The following SLC20A2 variants were observed in gnomAD, a reference collection of about 807,000 sequenced individuals.
The protein encoded by SLC20A2 is solute carrier family 20 member 2.
In SLC20A2, 30 loss-of-function variants were observed where a neutral mutation model predicts 61.0. The observed-to-expected ratio is 0.49, with a 90% CI of 0.37 to 0.67. The LOEUF (loss-of-function observed/expected upper bound fraction) is 0.67, where lower values mean the gene tolerates loss of function less well. Among genes scored for constraint, SLC20A2 ranks in the 30% least tolerant of loss-of-function variants. The pLI, the probability that SLC20A2 is intolerant of heterozygous loss-of-function variation, is 0.00. For synonymous variants in SLC20A2, 351 were observed against 353.3 expected, an observed-to-expected ratio of 0.99 and a Z score of 0.07; for missense variants, 626 against 866.4, an observed-to-expected ratio of 0.72 and a Z score of 3.48.
chr8:42,472,596 A>G lies in SLC20A2; in HGVS notation c.-206T>C, dbSNP rs930699147. The stretch of plus-strand genomic sequence containing the variant: ...ACAGTTCATTTGGTTGTGTTCAGTC[A>G]GCGGTAAAACACATTCCATATTTTT... On this transcript the variant is annotated 5_prime_UTR_variant, in exon 2 of 11. Transcript: ENST00000520262. This position sits in a 1 kb window ranked among gnomAD's most constrained non-coding sequence, Gnocchi z 4.1. The G allele has an allele frequency of 7.2e-6, 4 of 552,496 alleles. No homozygotes were observed. In the African/African-American group the frequency reaches 7.5e-5, roughly 10 times the overall value. The allele number at this position is 552,496 out of a possible 1,614,324, so 34.2% of individuals were successfully genotyped here.
rs62509293 is a variant in SLC20A2, at chr8:42,541,199, G to A, written c.-265+622C>T. The A allele has an allele frequency of 1.6e-3, 244 of 152,248 alleles. 1 individual carries two copies. The highest frequency in any genetic ancestry group is 7.7e-3 in the South Asian group (37 of 4,826). 9.4% of individuals were successfully genotyped at this position (152,248 alleles called of 1,614,324 possible). A position where few individuals can be genotyped will look rare whatever the true frequency, so the allele number is the denominator to read the frequency against. Reference sequence around the variant, plus strand: ...GAGCAGGAGGCGCCCGGCACTCGCAGGTAATGCCCGGTCCCTGCCACTTCC... The same window carrying A: ...GAGCAGGAGGCGCCCGGCACTCGCAAGTAATGCCCGGTCCCTGCCACTTCC... On this transcript the variant is annotated intron_variant, in intron 1 of 10. Coordinates refer to the SLC20A2 transcript ENST00000342228.
chr8:42,487,240 C>T (rs1209766084), intron 1 of SLC20A2, among the ~76,000 whole-genome samples: 11 of 144,796 alleles, frequency 7.6e-5, no homozygotes, highest in East Asian at 2.1e-4. Context: ...TGCAGTGGCG[C>T]GATCTTGGCT....
chr8:42,538,632 A>C (rs993269462), intron 1 of SLC20A2, among the ~76,000 whole-genome samples: 6 of 152,246 alleles, frequency 3.9e-5, no homozygotes, highest in African/African-American at 1.4e-4. Context: ...GGCCCCAGAA[A>C]AAAGACAATG....
intron 6 of SLC20A2, among the ~76,000 whole-genome samples, chr8:42,442,164 C>T (rs1201106900): frequency 1.3e-5 from 2 of 152,058 alleles, no homozygotes; most frequent in Non-Finnish European, 2.9e-5. Flanking sequence ...AACTCCCGAC[C>T]TCAGGTGATC....
intron 1 of SLC20A2, among the ~76,000 whole-genome samples, chr8:42,481,881 A>G (rs1169655061): frequency 1.3e-5 from 2 of 152,080 alleles, no homozygotes; most frequent in Non-Finnish European, 2.9e-5. Context: ...TGCTCTGTCC[A>G]CACTCCCTCC....
In SLC20A2 at chr8:42,437,705, G is replaced by A. The variant is rs1381598636; in HGVS notation, c.935-128C>T. Reference sequence around the variant, plus strand: ...GCAATCTCGGCTCACTGCAACCTTCGCCTCCCGGGTTCAAGCGATTCTCCC... The same window carrying A: ...GCAATCTCGGCTCACTGCAACCTTCACCTCCCGGGTTCAAGCGATTCTCCC... On this transcript the variant is annotated intron_variant, in intron 7 of 10. Coordinates refer to ENST00000520262, the MANE Select transcript of SLC20A2 (RefSeq NM_001257180.2). This position sits in a 1 kb window ranked among gnomAD's most constrained non-coding sequence, Gnocchi z 6.4. The A allele has an allele frequency of 5.6e-6, 4 of 717,972 alleles. No homozygotes were observed. Among genetic ancestry groups the A allele is most frequent in the Admixed American group, 3.6e-5 (1 of 27,448 alleles). The allele number at this position is 717,972 out of a possible 1,614,324, so 44.5% of individuals were successfully genotyped here.
Position 42,417,791 on chromosome 8 carries a change from G to A in SLC20A2, c.*12C>T. On this transcript the variant is annotated 3_prime_UTR_variant, in exon 11 of 11. Transcript: ENST00000520262. ...CCATCCCTTTAGCTGTTTGCAGCTGGAAGAAGACAAATCACACATATGGAA... is the reference window on the plus strand; with the variant it reads ...CCATCCCTTTAGCTGTTTGCAGCTGAAAGAAGACAAATCACACATATGGAA... 6.2e-7 allele frequency: 1 copy of A among 1,613,310 alleles called. No homozygotes were observed. The highest frequency in any genetic ancestry group is 8.5e-7 in the Non-Finnish European group (1 of 1,179,460).
At position 42,509,783 on chromosome 8, in the gene SLC20A2, A is replaced by G. The variant is rs571135830; in HGVS notation, c.-265+32038T>C. On this transcript the variant is annotated intron_variant, in intron 1 of 10. Transcript: ENST00000342228. ...AAACAAAACAAAACAAAACAAAAAGATGCTAGGCTTGAAACCACTAGAGAC... is the reference window on the plus strand; with the variant it reads ...AAACAAAACAAAACAAAACAAAAAGGTGCTAGGCTTGAAACCACTAGAGAC... Among the ~76,000 whole-genome samples the G allele has an allele frequency of 3.9e-5, 6 of 152,190 alleles. No individual in the cohort carries two copies. The South Asian group carries it at 1.2e-3, about 32-fold the overall frequency.
chr8:42,418,780 C>T (rs1802842192), intron 10 of SLC20A2, among the ~76,000 whole-genome samples: 1 of 151,632 alleles, frequency 6.6e-6, no homozygotes, highest in South Asian at 2.1e-4. Context: ...GGGCGGATCA[C>T]GAGGTCAGGA....
At chr8:42,519,377 G>A (rs1327380332) in intron 1 of SLC20A2, among the ~76,000 whole-genome samples, 2 of 151,636 alleles carry the variant, frequency 1.3e-5, no homozygotes, top group African/African-American at 4.8e-5. Context: ...CCGGGAGGCA[G>A]AGGTTGCAGT....
chr8:42,438,637 T>C (rs1458631883), intron 7 of SLC20A2, among the ~76,000 whole-genome samples: 2 of 152,202 alleles, frequency 1.3e-5, no homozygotes, highest in African/African-American at 4.8e-5. Flanking sequence ...AGGGCAGGCT[T>C]TGGTGAAGCT....
intron 1 of SLC20A2, among the ~76,000 whole-genome samples, chr8:42,477,167 T>C (rs1808181520): frequency 6.6e-6 from 1 of 152,174 alleles, no homozygotes. Flanking sequence ...TAAAATGGGA[T>C]AGTGATGGCG....
At chr8:42,434,913 A>AGT (rs369304589) in intron 8 of SLC20A2, among the ~76,000 whole-genome samples, 23 of 143,002 alleles carry the variant, frequency 1.6e-4, no homozygotes, top group African/African-American at 6.6e-4. Context: ...TGCGCATGTG[A>AGT]GTGTGTGTGC....
intron 5 of SLC20A2, among the ~76,000 whole-genome samples, chr8:42,456,992 C>A (rs1212727056): frequency 2.0e-5 from 3 of 151,766 alleles, no homozygotes; most frequent in Non-Finnish European, 4.4e-5. Flanking sequence ...GGCGGGATCT[C>A]GGCTCACTGC....
chr8:42,524,217 TAGAA>T (rs543368073), intron 1 of SLC20A2, among the ~76,000 whole-genome samples: 4 of 152,306 alleles, frequency 2.6e-5, no homozygotes, highest in East Asian at 3.9e-4. Flanking sequence ...TATTCTTAAA[TAGAA>T]AGGCTTTTAA....
At chr8:42,445,078 G>A (rs1245198332) in intron 5 of SLC20A2, among the ~76,000 whole-genome samples, 1 of 152,108 alleles carries the variant, frequency 6.6e-6, no homozygotes, top group African/African-American at 2.4e-5. Flanking sequence ...GATCACCTGA[G>A]GTCAGGAGTT....
chr8:42,419,008 C>CAAAAAAAAA (rs778981433), intron 10 of SLC20A2, among the ~76,000 whole-genome samples: 7 of 64,198 alleles, frequency 1.1e-4, no homozygotes, highest in African/African-American at 4.6e-4. Context: ...GACTCTGTCT[C>CAAAAAAAAA]AAAAAAAAAA....
At chr8:42,444,816 G>T in intron 5 of SLC20A2, 54 bp from the exon 6 acceptor site, 1 of 1,371,366 alleles carries the variant, frequency 7.3e-7, no homozygotes, top group Non-Finnish European at 1.0e-6. Flanking sequence ...GCAAGGTCAG[G>T]CCTCAGGGCG....
chr8:42,422,705 G>C (rs1402220863), intron 10 of SLC20A2, among the ~76,000 whole-genome samples: 1 of 151,922 alleles, frequency 6.6e-6, no homozygotes, highest in African/African-American at 2.4e-5. Flanking sequence ...TATTGTTCTG[G>C]GTCAGATTTT....
Sources: allele counts gnomAD v4.1 joint callset (sites outside exome capture counted in the v4.1 genomes callset), GRCh38; gene constraint gnomAD v4.1.1; non-coding constraint Gnocchi (gnomAD v3.1); transcripts MANE v1.5; gene names NCBI Gene and HGNC (gene_info 2026-07-23, HGNC 2026-07-21).